Variants in DIAPH3 observed in about 807,000 individuals in gnomAD.
DIAPH3 encodes the protein diaphanous related formin 3, also known as protein diaphanous homolog 3.
In DIAPH3, 117 loss-of-function variants were observed where a neutral mutation model predicts 144.3. The observed-to-expected ratio is 0.81, with a 90% confidence interval of 0.70 to 0.95. DIAPH3 has a LOEUF of 0.95. Among genes scored for constraint, DIAPH3 ranks in the 40% least tolerant of loss-of-function variants. The pLI is 0.00. For synonymous variants in DIAPH3, 519 were observed against 488.9 expected (o/e 1.06, Z -0.81); for missense variants, 1,421 against 1,412.7 (o/e 1.01, Z -0.09).
intron 27 of DIAPH3, among the ~76,000 whole-genome samples, chr13:59,710,175 G>A (rs898963012): frequency 1.3e-5 from 2 of 151,214 alleles, no homozygotes; most frequent in Non-Finnish European, 2.9e-5. Flanking sequence ...CAGCGCACCA[G>A]CATGGCACAT....
At chr13:60,147,610 C>T (rs1233953332) in intron 1 of DIAPH3, among the ~76,000 whole-genome samples, 1 of 152,264 alleles carries the variant, frequency 6.6e-6, no homozygotes, top group South Asian at 2.1e-4. Flanking sequence ...TGGACCAAAC[C>T]AGCACAGAGC....
At chr13:60,062,229 C>A (rs2056802339) in intron 4 of DIAPH3, among the ~76,000 whole-genome samples, 1 of 152,110 alleles carries the variant, frequency 6.6e-6, no homozygotes, top group Non-Finnish European at 1.5e-5. Flanking sequence ...TTTTTGTAAT[C>A]CTTGATTAAA....
chr13:60,159,625 C>CA (rs57606784), intron 1 of DIAPH3, among the ~76,000 whole-genome samples: 12,461 of 119,942 alleles, frequency 0.1, 689 homozygotes, highest in East Asian at 0.31. Flanking sequence ...CTTTGTCTCA[C>CA]AAAAAAAAAA....
At chr13:60,003,555 A>T (rs1429102821) in intron 9 of DIAPH3, among the ~76,000 whole-genome samples, 1 of 149,920 alleles carries the variant, frequency 6.7e-6, no homozygotes, top group Admixed American at 6.7e-5. Flanking sequence ...CTATATATAG[A>T]TAGATAGATA....
intron 3 of DIAPH3, among the ~76,000 whole-genome samples, chr13:60,096,997 G>C (rs371708600): frequency 5.8e-4 from 89 of 152,210 alleles, no homozygotes; most frequent in African/African-American, 2.1e-3. Context: ...CATATAGACA[G>C]GCAGGCATCC....
intron 22 of DIAPH3, among the ~76,000 whole-genome samples, chr13:59,855,215 A>G (rs1354073858): frequency 6.6e-6 from 1 of 152,186 alleles, no homozygotes; most frequent in Non-Finnish European, 1.5e-5. Context: ...ATCCCTGGAA[A>G]TAAACTGGCA....
intron 13 of DIAPH3, among the ~76,000 whole-genome samples, chr13:59,981,227 GA>G (rs1432932990): frequency 6.6e-6 from 1 of 150,910 alleles, no homozygotes; most frequent in Non-Finnish European, 1.5e-5. Flanking sequence ...CAGAAAATTA[GA>G]AAAATTGATA....
At chr13:59,882,773 T>C (rs944823947) in intron 20 of DIAPH3, among the ~76,000 whole-genome samples, 1 of 152,188 alleles carries the variant, frequency 6.6e-6, no homozygotes, top group Non-Finnish European at 1.5e-5. Flanking sequence ...TTTAAATCTA[T>C]TGTTACAAAG....
intron 17 of DIAPH3, among the ~76,000 whole-genome samples, chr13:59,935,014 T>A (rs555359116): frequency 3.9e-4 from 60 of 152,248 alleles, no homozygotes; most frequent in Non-Finnish European, 7.8e-4. Context: ...CTTTGGGAAA[T>A]AACTACACAG....
intron 19 of DIAPH3, 142 bp from the exon 20 acceptor site, chr13:59,911,978 T>C: frequency 1.5e-6 from 1 of 658,454 alleles, no homozygotes; most frequent in South Asian, 1.9e-5. Context: ...TAATAAGCCT[T>C]AAGCAAAATT....
intron 17 of DIAPH3, among the ~76,000 whole-genome samples, chr13:59,953,649 A>T (rs940336531): frequency 6.6e-6 from 1 of 152,192 alleles, no homozygotes; most frequent in African/African-American, 2.4e-5. Flanking sequence ...AAAGGAGACC[A>T]ATGTTACTGG....
intron 24 of DIAPH3, among the ~76,000 whole-genome samples, chr13:59,826,873 C>CG (rs1566372135): frequency 6.6e-6 from 1 of 151,678 alleles, no homozygotes; most frequent in African/African-American, 2.4e-5. Context: ...TCAGAAATAA[C>CG]GCCGCATATC....
intron 17 of DIAPH3, among the ~76,000 whole-genome samples, chr13:59,925,989 T>C (rs374400026): frequency 6.6e-6 from 1 of 152,132 alleles, no homozygotes; most frequent in African/African-American, 2.4e-5. Flanking sequence ...ATATTGTTTG[T>C]TTTTTGTTTG....
intron 1 of DIAPH3, among the ~76,000 whole-genome samples, chr13:60,136,043 A>T (rs2059264175): frequency 6.6e-6 from 1 of 152,210 alleles, no homozygotes; most frequent in Non-Finnish European, 1.5e-5. Flanking sequence ...GCTTATACAC[A>T]TAAAATAGGG....
chr13:59,879,475 GA>G lies in DIAPH3; in HGVS notation c.2368-8del. 6.2e-7 allele frequency: 1 copy of G among 1,613,482 alleles called. No individual in the cohort carries two copies. The highest frequency in any genetic ancestry group is 8.5e-7 in the Non-Finnish European group (1 of 1,179,656). On this transcript the variant is annotated splice_polypyrimidine_tract_variant and splice_region_variant and intron_variant, in intron 20 of 27. Coordinates refer to ENST00000400324, the MANE Select transcript of DIAPH3 (RefSeq NM_001042517.2). ...GTCTCTTCACATTGCTCATCTGATT[GA>G]AAAGAAAACAGCAGATTTCCTTTAA...
intron 1 of DIAPH3, among the ~76,000 whole-genome samples, chr13:60,142,912 A>T (rs971607285): frequency 2.2e-4 from 31 of 143,684 alleles, no homozygotes; most frequent in Non-Finnish European, 3.4e-4. Flanking sequence ...CATGCCCCAC[A>T]TTTTTTTTTT....
rs1322143607 is a variant in DIAPH3 at position 59,910,904 on chromosome 13, T to C, written c.2367+831A>G. ...AGATAGGAAGGAATGTAAAAGCAAA[T>C]GTCTACAACATGCCAAAATATGAGG... On this transcript the variant is annotated intron_variant, in intron 20 of 27. Coordinates refer to ENST00000400324, the MANE Select transcript of DIAPH3 (RefSeq NM_001042517.2). Among the ~76,000 whole-genome samples the C allele has an allele frequency of 2.0e-5, 3 of 151,128 alleles. No homozygotes were observed. The South Asian group carries it at 6.3e-4, about 32-fold the overall frequency.
chr13:60,052,959 T>TAAAAAAAAAAAAAAAAAAAAAAA (rs559991017), intron 4 of DIAPH3, among the ~76,000 whole-genome samples: 6 of 40,634 alleles, frequency 1.5e-4, no homozygotes, highest in East Asian at 4.3e-4. Flanking sequence ...GACTCCCTCT[T>TAAAAAAAAAAAAAAAAAAAAAAA]AAAAAAAAAA....
At chr13:59,802,002 C>A (rs916381380) in intron 25 of DIAPH3, among the ~76,000 whole-genome samples, 2 of 151,966 alleles carry the variant, frequency 1.3e-5, no homozygotes, top group Non-Finnish European at 2.9e-5. Flanking sequence ...CTTTGAGCAA[C>A]CTTCACGACC....
Sources: gnomAD v4.1 joint callset for allele counts (sites outside exome capture counted in the v4.1 genomes callset) on GRCh38, gnomAD v4.1.1 for gene constraint, MANE v1.5 for transcripts, NCBI Gene and HGNC (gene_info 2026-07-23, HGNC 2026-07-21) for gene names.